SLCO2A1: variants seen among roughly 807,000 people sequenced by gnomAD.
SLCO2A1 encodes solute carrier organic anion transporter family member 2A1, also known as matrin F/G 1.
A neutral mutation model predicts 71.7 loss-of-function variants in SLCO2A1; 60 were observed. The ratio of observed to expected loss-of-function variants is 0.84; its 90% CI spans 0.68 to 1.04. The LOEUF is 1.04. Among genes scored for constraint, SLCO2A1 ranks in the 50% least tolerant of loss-of-function variants. SLCO2A1 has a pLI of 0.00. For missense variants in SLCO2A1, 745 were observed against 813.4 expected (o/e 0.92, Z 1.02); for synonymous variants, 308 against 326.7 (o/e 0.94, Z 0.62).
At chr3:133,958,194 G>A (rs1332237258) in intron 3 of SLCO2A1, among the ~76,000 whole-genome samples, 2 of 152,250 alleles carry the variant, frequency 1.3e-5, no homozygotes, top group East Asian at 1.9e-4. Flanking sequence ...GGGTGGCTCT[G>A]AGTGGGCAAG....
intron 2 of SLCO2A1, among the ~76,000 whole-genome samples, chr3:133,974,136 C>G (rs763769149): frequency 5.3e-5 from 8 of 152,182 alleles, no homozygotes; most frequent in Non-Finnish European, 1.0e-4. Context: ...TAGAACCAAA[C>G]CTTTTTGGGA....
At chr3:133,979,072 G>T (rs1441231203) in intron 2 of SLCO2A1, among the ~76,000 whole-genome samples, 1 of 152,158 alleles carries the variant, frequency 6.6e-6, no homozygotes, top group Non-Finnish European at 1.5e-5. Context: ...TATGTATGGG[G>T]CAGGGGCCCC....
At chr3:133,934,877 C>A in intron 13 of SLCO2A1, 47 bp from the exon 14 acceptor site, 3 of 1,477,426 alleles carry the variant, frequency 2.0e-6, no homozygotes, top group South Asian at 1.1e-5. Context: ...GGCTCTGCAG[C>A]CCACATCCCA....
intron 1 of SLCO2A1, among the ~76,000 whole-genome samples, chr3:134,027,088 T>C (rs1422666451): frequency 6.6e-6 from 1 of 152,176 alleles, no homozygotes; most frequent in Non-Finnish European, 1.5e-5. Flanking sequence ...GTGTACTATA[T>C]GAATCACTAT....
chr3:134,013,994 T>G (rs1935391449), intron 1 of SLCO2A1, among the ~76,000 whole-genome samples: 1 of 152,126 alleles, frequency 6.6e-6, no homozygotes, highest in Non-Finnish European at 1.5e-5. Context: ...TAGCTCAAGG[T>G]AGCCCTCTCT....
intron 1 of SLCO2A1, among the ~76,000 whole-genome samples, chr3:134,011,986 C>T (rs1227240253): frequency 6.6e-6 from 1 of 152,126 alleles, no homozygotes; most frequent in East Asian, 1.9e-4. Context: ...CAGGGGGCAT[C>T]ATGGGAGGGT....
chr3:133,940,761 C>T (rs554292248), intron 11 of SLCO2A1, among the ~76,000 whole-genome samples: 3 of 152,272 alleles, frequency 2.0e-5, no homozygotes, highest in South Asian at 2.1e-4. Flanking sequence ...GGCAACACGC[C>T]GTGGGTTCCA....
intron 1 of SLCO2A1, among the ~76,000 whole-genome samples, chr3:134,010,481 C>T (rs559613123): frequency 3.9e-4 from 59 of 152,066 alleles, no homozygotes; most frequent in African/African-American, 8.7e-4. Flanking sequence ...CGGCCGGGCG[C>T]GGTGGCTCAC....
intron 1 of SLCO2A1, among the ~76,000 whole-genome samples, chr3:134,022,113 G>A (rs141717256): frequency 0.039 from 5,910 of 149,762 alleles, 277 homozygotes; most frequent in African/African-American, 0.098. Context: ...TATGTAAAAA[G>A]AGTATTATAT....
chr3:133,959,165 A>G (rs1933970258), intron 3 of SLCO2A1, among the ~76,000 whole-genome samples: 1 of 152,152 alleles, frequency 6.6e-6, no homozygotes, highest in African/African-American at 2.4e-5. Context: ...AAGGACCTGG[A>G]CCCAGTTACA....
chr3:133,975,060 C>G (rs901435228), intron 2 of SLCO2A1, among the ~76,000 whole-genome samples: 2 of 152,210 alleles, frequency 1.3e-5, no homozygotes, highest in Non-Finnish European at 2.9e-5. Flanking sequence ...TTCCCTTCCC[C>G]TGTCTGCTCC....
intron 6 of SLCO2A1, among the ~76,000 whole-genome samples, chr3:133,950,311 C>T (rs1047660354): frequency 6.6e-6 from 1 of 152,148 alleles, no homozygotes; most frequent in African/African-American, 2.4e-5. Context: ...TTTTATATAC[C>T]TCATTGTCAA....
chr3:133,940,689 C>T (rs1170368596), intron 11 of SLCO2A1, among the ~76,000 whole-genome samples: 7 of 152,166 alleles, frequency 4.6e-5, no homozygotes, highest in Non-Finnish European at 1.0e-4. Context: ...GTGAAGCTGT[C>T]AGTGCTTTGA....
At chr3:133,978,454 T>C (rs1228010171) in intron 2 of SLCO2A1, among the ~76,000 whole-genome samples, 2 of 152,036 alleles carry the variant, frequency 1.3e-5, no homozygotes, top group Non-Finnish European at 2.9e-5. Context: ...GTCACTGCTA[T>C]GTGGACCATC....
intron 1 of SLCO2A1, among the ~76,000 whole-genome samples, chr3:134,003,889 C>T (rs1022467891): frequency 2.6e-5 from 4 of 152,026 alleles, no homozygotes; most frequent in Non-Finnish European, 4.4e-5. Context: ...AGTTGGAAGG[C>T]CTTTAAAGCA....
At chr3:133,965,119 T>G (rs1415788750) in intron 3 of SLCO2A1, among the ~76,000 whole-genome samples, 1 of 152,134 alleles carries the variant, frequency 6.6e-6, no homozygotes, top group African/African-American at 2.4e-5. Context: ...GAGAAGCTCT[T>G]TAAAGGGGGA....
At chr3:134,007,219 T>A (rs1444941653) in intron 1 of SLCO2A1, among the ~76,000 whole-genome samples, 1 of 152,264 alleles carries the variant, frequency 6.6e-6, no homozygotes, top group African/African-American at 2.4e-5. Context: ...TGGATATTCA[T>A]CTTTCATCAG....
At chr3:133,996,291 G>A (rs1285545542) in intron 1 of SLCO2A1, among the ~76,000 whole-genome samples, 2 of 152,168 alleles carry the variant, frequency 1.3e-5, no homozygotes, top group African/African-American at 2.4e-5. Context: ...CAACACACTC[G>A]GCCTTTTCAA....
intron 3 of SLCO2A1, among the ~76,000 whole-genome samples, chr3:133,969,356 G>A (rs1237091584): frequency 1.3e-5 from 2 of 152,136 alleles, no homozygotes; most frequent in Non-Finnish European, 2.9e-5. Context: ...CTTGAGCCTG[G>A]GAGGCAGAGG....
Sources: allele counts gnomAD v4.1 joint callset (sites outside exome capture counted in the v4.1 genomes callset), GRCh38; gene constraint gnomAD v4.1.1; transcripts MANE v1.5; gene names NCBI Gene and HGNC (gene_info 2026-07-23, HGNC 2026-07-21).